The following UBN1 variants were observed in gnomAD, a reference collection of about 807,000 sequenced individuals.
UBN1 encodes ubinuclein-1.
In UBN1, 17 loss-of-function variants were observed where a neutral mutation model predicts 108.5. The ratio of observed to expected loss-of-function variants is 0.16; its 90% CI spans 0.11 to 0.24. The LOEUF (loss-of-function observed/expected upper bound fraction) is 0.24. Ranked by LOEUF, UBN1 falls within the 10% of genes least tolerant of loss-of-function variation. The pLI, the probability that UBN1 is intolerant of heterozygous loss-of-function variation, is 1.00. For synonymous variants in UBN1, 726 were observed against 564.2 expected, an observed-to-expected ratio of 1.29 and a Z score of -4.07; for missense variants, 1,595 against 1,394.4, an observed-to-expected ratio of 1.14 and a Z score of -2.29.
intron 17 of UBN1, among the ~76,000 whole-genome samples, chr16:4,879,238 AT>A (rs945205939): frequency 6.1e-4 from 93 of 152,318 alleles, no homozygotes; most frequent in African/African-American, 2.2e-3. Flanking sequence ...CACATTTTAG[AT>A]GTTGAAACAT....
chr16:4,872,382 A>T (rs1241849943), intron 12 of UBN1: 3 of 980,718 alleles, frequency 3.1e-6, no homozygotes, highest in Non-Finnish European at 3.6e-6. Flanking sequence ...GCCTTTGGGC[A>T]GCCAGTGTGT....
Position 4,847,538 on chromosome 16 carries a change from G to T in UBN1, c.-712G>T, listed in dbSNP as rs2086253414. 2.2e-6 allele frequency: 1 copy of T among 465,010 alleles called. No homozygotes were observed. The highest frequency in any genetic ancestry group is 2.9e-5 in the South Asian group (1 of 34,576). The allele number at this position is 465,010 out of a possible 1,614,324, so 28.8% of individuals were successfully genotyped here. On this transcript the variant is annotated 5_prime_UTR_variant, in exon 1 of 18. Transcript: ENST00000262376. The stretch of plus-strand genomic sequence containing the variant: ...CGAAGCGCCCGCGGTCTGAGGCGGC[G>T]GCGGCGGCGACGGTGCGACCGGCTG...
intron 1 of UBN1, among the ~76,000 whole-genome samples, chr16:4,851,170 T>C (rs982492496): frequency 3.9e-5 from 6 of 152,172 alleles, no homozygotes; most frequent in African/African-American, 1.4e-4. Context: ...AGCAAATTCA[T>C]CTGGGGTTAA....
In UBN1 at chr16:4,870,699, G is replaced by A. The variant is rs189372306; in HGVS notation, c.1430+65G>A. The A allele has an allele frequency of 1.5e-3, 2,404 of 1,600,558 alleles. 6 individuals carry two copies. The highest frequency in any genetic ancestry group is 1.8e-3 in the Non-Finnish European group (2,169 of 1,172,834). ...CTTGCCTCTTCCCCTCCCGTTTCTC[G>A]GTGTGTACTGCCGTTTCCCAAGGAG... is the stretch of plus-strand genomic sequence containing the variant. On this transcript the variant is annotated intron_variant, in intron 10 of 17. Transcript: ENST00000262376.
At position 4,876,865 on chromosome 16, in the gene UBN1, C is replaced by T. The variant is rs763026389; in HGVS notation, c.3025-6C>T. 1.9e-6 allele frequency: 3 copies of T among 1,576,788 alleles called. No individual in the cohort carries two copies. The highest frequency in any genetic ancestry group is 2.2e-5 in the East Asian group (1 of 44,536). On this transcript the variant is annotated splice_region_variant and splice_polypyrimidine_tract_variant and intron_variant, in intron 15 of 17. Transcript: ENST00000262376. Reference sequence around the variant, plus strand: ...GTTCTTACCGCTTGCTGTGTTTCTTCCCTAGAAAGGAGCGAGTGGGACTGT... The same window carrying T: ...GTTCTTACCGCTTGCTGTGTTTCTTTCCTAGAAAGGAGCGAGTGGGACTGT...
At chr16:4,876,023 A>G (rs955338713) in intron 15 of UBN1, among the ~76,000 whole-genome samples, 2 of 146,488 alleles carry the variant, frequency 1.4e-5, no homozygotes, top group African/African-American at 5.1e-5. Flanking sequence ...CAGTGGCGCT[A>G]TCTCGGCTCA....
At position 4,860,774 on chromosome 16, in the gene UBN1, A is replaced by G; in HGVS notation, c.782A>G (p.Lys261Arg). The G allele has an allele frequency of 6.2e-7, 1 of 1,614,272 alleles. No individual in the cohort carries two copies. Among genetic ancestry groups the G allele is most frequent in the Non-Finnish European group, 8.5e-7 (1 of 1,180,048 alleles). ...KFQKEKEAQK[K>R]REEEHKPVAV... ...CAGAAAGAGAAAGAGGCTCAGAAAA[A>G]AAGGGAGGAGGAGCATAAGCCTGTT... The change falls in exon 7 of 18, where the codon AAA becomes AGA. Residue 261 changes from lysine (K) to arginine (R), a missense_variant. Physicochemically the swap from Lys to Arg is conservative, Grantham distance 26. Around this residue, in one of 3 missense-constraint regions of UBN1, gnomAD observed 1,398 missense variants for 1,194.7 expected, o/e 1.17. Coordinates refer to ENST00000262376, the MANE Select transcript of UBN1 (RefSeq NM_001079514.3).
At chr16:4,855,939 A>T (rs544375753) in intron 2 of UBN1, among the ~76,000 whole-genome samples, 1 of 152,296 alleles carries the variant, frequency 6.6e-6, no homozygotes, top group East Asian at 1.9e-4. Flanking sequence ...CACCAAACCA[A>T]AAAAGAAAAA....
At chr16:4,863,322 T>A (rs1197808717) in intron 7 of UBN1, among the ~76,000 whole-genome samples, 1 of 152,182 alleles carries the variant, frequency 6.6e-6, no homozygotes, top group Non-Finnish European at 1.5e-5. Context: ...GGCCCTGCAC[T>A]TGGGGCACTT....
chr16:4,877,586 T>C lies in UBN1; in HGVS notation c.3355+112T>C. The stretch of plus-strand genomic sequence containing the variant: ...GGTGTCTTTGCCTTGACGCTGTTGT[T>C]GTTTTGGTTTGTCCTTTGAGGCTGT... On this transcript the variant is annotated intron_variant, in intron 17 of 17. Transcript: ENST00000262376. This position sits in a 1 kb window ranked among gnomAD's most constrained non-coding sequence, Gnocchi z 4.3. 6.9e-7 allele frequency: 1 copy of C among 1,447,246 alleles called. No homozygotes were observed. The highest frequency in any genetic ancestry group is 9.1e-7 in the Non-Finnish European group (1 of 1,104,522). 89.7% of individuals were successfully genotyped at this position (1,447,246 alleles called of 1,614,324 possible).
At chr16:4,869,481 C>G (rs1027802291) in intron 8 of UBN1, among the ~76,000 whole-genome samples, 46 of 152,348 alleles carry the variant, frequency 3.0e-4, no homozygotes, top group African/African-American at 1.1e-3. Flanking sequence ...GTGGCCTGGC[C>G]TGCAGTGTTG....
At position 4,870,146 on chromosome 16, in the gene UBN1, G is replaced by A. The variant is rs375078008; in HGVS notation, c.1182-66G>A. The stretch of plus-strand genomic sequence containing the variant: ...GCTCCTAGCTTTCCTCTCCACGTAC[G>A]GTGAGCTGATGAAGACAGGAGTTGC... On this transcript the variant is annotated intron_variant, in intron 8 of 17. Coordinates refer to ENST00000262376, the MANE Select transcript of UBN1 (RefSeq NM_001079514.3). 482 of 1,604,220 alleles carry A rather than the reference G, an allele frequency of 3.0e-4. 1 individual carries two copies. Among genetic ancestry groups the A allele is most frequent in the South Asian group, 1.6e-3 (141 of 90,284 alleles).
In UBN1 at chr16:4,874,361, A is replaced by T. The variant is rs2087782253; in HGVS notation, c.1951A>T (p.Asn651Tyr). The T allele has an allele frequency of 6.2e-7, 1 of 1,613,960 alleles. No individual in the cohort carries two copies. Among genetic ancestry groups the T allele is most frequent in the Non-Finnish European group, 8.5e-7 (1 of 1,180,040 alleles). The part of the protein sequence containing the change: ...LPSQASGGLA[N>Y]PPPVNLEDSL... ...ATCCCAGGCATCGGGCGGCCTTGCT[A>T]ACCCTCCTCCTGTCAACCTGGAGGA... Residue 651 changes from asparagine to tyrosine, a missense_variant, in exon 15 of 18, where the codon AAC (asparagine) becomes TAC (tyrosine). Asn to Tyr is a moderately radical substitution (Grantham distance 143). Coordinates refer to ENST00000262376, the MANE Select transcript of UBN1 (RefSeq NM_001079514.3).
chr16:4,870,131 T>C (rs2087549581), intron 8 of UBN1, 81 bp from the exon 9 acceptor site: 1 of 1,587,262 alleles, frequency 6.3e-7, no homozygotes, highest in Non-Finnish European at 8.6e-7. Context: ...GCTCCTAGCT[T>C]TCCTCTCCAC....
intron 8 of UBN1, 74 bp downstream of exon 8, chr16:4,868,977 A>G: frequency 6.6e-7 from 1 of 1,504,946 alleles, no homozygotes; most frequent in Non-Finnish European, 9.2e-7. Flanking sequence ...CAGCTAGGGG[A>G]CAGTGGGAGT....
At chr16:4,867,453 TGGTA>T in intron 7 of UBN1, among the ~76,000 whole-genome samples, 1 of 152,314 alleles carries the variant, frequency 6.6e-6, no homozygotes, top group East Asian at 1.9e-4. Flanking sequence ...AGTTGGATTT[TGGTA>T]TATACGGGGG....
chr16:4,848,349 T>C (rs370981872), intron 1 of UBN1, 139 bp downstream of exon 1: 5 of 152,264 alleles, frequency 3.3e-5, no homozygotes, highest in South Asian at 2.1e-4. Context: ...TGGGAAGTGT[T>C]AACTGCAGTT....
intron 8 of UBN1, 66 bp from the exon 9 acceptor site, chr16:4,870,146 G>GGTGAGCTGATGAAGACAGGAGTTGCA: frequency 1.9e-6 from 3 of 1,604,220 alleles, no homozygotes; most frequent in Non-Finnish European, 2.6e-6. Flanking sequence ...CTCCACGTAC[G>GGTGAGCTGATGAAGACAGGAGTTGCA]GTGAGCTGAT....
chr16:4,865,285 A>G (rs1319134948), intron 7 of UBN1, among the ~76,000 whole-genome samples: 1 of 152,234 alleles, frequency 6.6e-6, no homozygotes, highest in South Asian at 2.1e-4. Flanking sequence ...AGGTTTACAG[A>G]AAAGTACTTT....
Sources: gnomAD v4.1 joint callset for allele counts (sites outside exome capture counted in the v4.1 genomes callset) on GRCh38, gnomAD v4.1.1 for gene constraint, gnomAD v4.1.1 regional missense constraint, Gnocchi (gnomAD v3.1) non-coding constraint, MANE v1.5 for transcripts, NCBI Gene and HGNC (gene_info 2026-07-23, HGNC 2026-07-21) for gene names.